OSBPL2: variants seen among roughly 807,000 people sequenced by gnomAD.
OSBPL2 encodes the protein oxysterol-binding protein-related protein 2.
Under a neutral mutation model 58.4 loss-of-function variants are expected in OSBPL2, and 18 were observed. The observed-to-expected ratio is 0.31, with a 90% CI of 0.21 to 0.46. The LOEUF (loss-of-function observed/expected upper bound fraction) is 0.46, where lower values mean the gene tolerates loss of function less well. OSBPL2 is among the 20% of genes least tolerant of loss of function. The pLI is 1.00. For synonymous variants in OSBPL2, 221 were observed against 234.1 expected, an observed-to-expected ratio of 0.94 and a Z score of 0.51; for missense variants, 461 against 616.5, an observed-to-expected ratio of 0.75 and a Z score of 2.67.
At chr20:62,248,150 CTTTTCTT>C (rs1980265328) in intron 1 of OSBPL2, among the ~76,000 whole-genome samples, 2 of 107,954 alleles carry the variant, frequency 1.9e-5, no homozygotes, top group South Asian at 3.3e-4. Flanking sequence ...TTTTTCTTTT[CTTTTCTT>C]TTTTTTTTTT....
chr20:62,241,393 C>T (rs1400024487), intron 1 of OSBPL2, among the ~76,000 whole-genome samples: 1 of 152,186 alleles, frequency 6.6e-6, no homozygotes, highest in East Asian at 1.9e-4. Context: ...AAAGCTTGCT[C>T]GACTTTTAAA....
chr20:62,280,152 C>G, intron 7 of OSBPL2: 1 of 1,272,626 alleles, frequency 7.9e-7, no homozygotes, highest in South Asian at 1.2e-5. Flanking sequence ...TGCCTGCAGT[C>G]TTGTTGTAGG....
intron 11 of OSBPL2, 102 bp downstream of exon 11, chr20:62,286,813 G>C: frequency 7.4e-7 from 1 of 1,360,210 alleles, no homozygotes; most frequent in Non-Finnish European, 1.0e-6. Flanking sequence ...CTTGCCTGCC[G>C]CCTCGCCTCA....
intron 1 of OSBPL2, among the ~76,000 whole-genome samples, chr20:62,240,219 C>A (rs1443011954): frequency 1.3e-5 from 2 of 152,158 alleles, no homozygotes; most frequent in Non-Finnish European, 2.9e-5. Context: ...TTACCTTCCC[C>A]TTGTTGAGGA....
intron 7 of OSBPL2, among the ~76,000 whole-genome samples, chr20:62,280,696 C>T (rs1361468679): frequency 1.3e-5 from 2 of 152,226 alleles, no homozygotes; most frequent in Non-Finnish European, 2.9e-5. Flanking sequence ...TGCCAGCTCC[C>T]CAGAAAGCCA....
At chr20:62,256,652 T>C (rs1012856407) in intron 2 of OSBPL2, among the ~76,000 whole-genome samples, 1 of 152,210 alleles carries the variant, frequency 6.6e-6, no homozygotes, top group African/African-American at 2.4e-5. Context: ...TGGTTTAAAG[T>C]GGCGGCATGC....
intron 3 of OSBPL2, among the ~76,000 whole-genome samples, chr20:62,262,473 C>A (rs1010627904): frequency 3.3e-5 from 5 of 152,250 alleles, no homozygotes; most frequent in African/African-American, 1.2e-4. Flanking sequence ...AGCCACTTTC[C>A]CCTCCTGGTA....
intron 3 of OSBPL2, among the ~76,000 whole-genome samples, chr20:62,263,389 G>A (rs922949111): frequency 6.6e-6 from 1 of 152,194 alleles, no homozygotes; most frequent in Non-Finnish European, 1.5e-5. Context: ...GGCCAAGACT[G>A]CAGAGTCATC....
chr20:62,248,323 T>A (rs1301170146), intron 1 of OSBPL2, among the ~76,000 whole-genome samples: 2 of 151,732 alleles, frequency 1.3e-5, no homozygotes, highest in Non-Finnish European at 2.9e-5. Context: ...CCTGGCTAAT[T>A]TTTGTATATT....
rs1302623539 is a variant in OSBPL2, at chr20:62,256,194, G to A, written c.10G>A (p.Glu4Lys). 3.7e-6 allele frequency: 6 copies of A among 1,613,890 alleles called. No individual in the cohort carries two copies. The Admixed American group carries it at 8.3e-5, about 22-fold the overall frequency. Residue 4 changes from glutamate (E) to lysine (K), a missense_variant, in exon 2 of 14, where the codon GAG becomes AAG. Physicochemically the swap from Glu to Lys is moderately conservative, Grantham distance 56. Coordinates refer to ENST00000313733, the MANE Select transcript of OSBPL2 (RefSeq NM_144498.4). ...GGCTGGCTGCTGAAGGATGAACGGA[G>A]AGGAAGAATTCTTTGATGCCGTCAC... Reference protein sequence around the residue: MNGEEEFFDAVTGF... With the variant: MNGKEEFFDAVTGF...
chr20:62,256,326 T>C (rs901194317), intron 2 of OSBPL2, 105 bp downstream of exon 2: 13 of 987,386 alleles, frequency 1.3e-5, no homozygotes, highest in Non-Finnish European at 2.0e-5. Context: ...AGTAAAGCAG[T>C]GTGTGGGTGA....
chr20:62,273,286 T>C, intron 5 of OSBPL2, 23 bp from the exon 6 acceptor site: 1 of 1,590,232 alleles, frequency 6.3e-7, no homozygotes, highest in South Asian at 1.1e-5. Flanking sequence ...GCTGTGCCTG[T>C]CCCCCCCGTG....
intron 1 of OSBPL2, among the ~76,000 whole-genome samples, chr20:62,244,459 T>C (rs931751107): frequency 3.9e-5 from 6 of 152,208 alleles, no homozygotes; most frequent in Non-Finnish European, 5.9e-5. Context: ...AGGGCGCCCG[T>C]GAGCTGTGGG....
intron 3 of OSBPL2, among the ~76,000 whole-genome samples, chr20:62,261,582 C>T (rs1043053683): frequency 2.6e-5 from 4 of 152,150 alleles, no homozygotes; most frequent in African/African-American, 9.7e-5. Flanking sequence ...TGGGAGCCCC[C>T]ACCCCCGCTC....
chr20:62,290,289 A>G (rs1236806038), intron 12 of OSBPL2, among the ~76,000 whole-genome samples: 1 of 151,864 alleles, frequency 6.6e-6, no homozygotes, highest in Non-Finnish European at 1.5e-5. Flanking sequence ...AGGCTGGACT[A>G]TAGTGGTGTG....
chr20:62,284,111 C>T lies in OSBPL2; in HGVS notation c.938C>T (p.Ser313Leu), dbSNP rs757263045. The T allele has an allele frequency of 9.3e-6, 15 of 1,613,972 alleles. No individual in the cohort carries two copies. Among genetic ancestry groups the T allele is most frequent in the Middle Eastern group, 1.6e-4 (1 of 6,084 alleles). Residue 313 changes from serine (S) to leucine (L), a missense_variant, in exon 10 of 14, where the codon TCG becomes TTG. Ser to Leu is a moderately radical substitution (Grantham distance 145). Around this residue, in one of 5 missense-constraint regions of OSBPL2, gnomAD observed 319 missense variants for 419.2 expected, o/e 0.76. Transcript: ENST00000313733. ...TGTTTGTGGGGCATAGATCCTGTTT[C>T]GTATGAATCCTTCAAGAAGCAGGAG... is the stretch of plus-strand genomic sequence containing the variant. ...TECLWGIDPV[S>L]YESFKKQERR...
rs1190083986 is a variant in OSBPL2, at chr20:62,256,227, T to G, written c.37+6T>G. 10 of 1,613,216 alleles carry G rather than the reference T, an allele frequency of 6.2e-6. No individual in the cohort carries two copies. The South Asian group carries it at 8.8e-5, about 14-fold the overall frequency. On this transcript the variant is annotated splice_donor_region_variant and intron_variant, in intron 2 of 13. Transcript: ENST00000313733. ...ATTCTTTGATGCCGTCACAGGTGAG[T>G]CAAAAGAGAACCAACTGGGGACGTA...
Position 62,256,210 on chromosome 20 carries a change from A to G in OSBPL2, c.26A>G (p.Asp9Gly), listed in dbSNP as rs746507998. Residue 9 changes from aspartate (D) to glycine (G), a missense_variant, in exon 2 of 14, where the codon GAT becomes GGT. Coordinates refer to ENST00000313733, the MANE Select transcript of OSBPL2 (RefSeq NM_144498.4). ...ATGAACGGAGAGGAAGAATTCTTTG[A>G]TGCCGTCACAGGTGAGTCAAAAGAG... MNGEEEFF[D>G]AVTGFDSDNS... 1 of 1,613,898 alleles carries G rather than the reference A, an allele frequency of 6.2e-7. No homozygotes were observed. The highest frequency in any genetic ancestry group is 1.1e-5 in the South Asian group (1 of 91,080).
intron 4 of OSBPL2, among the ~76,000 whole-genome samples, chr20:62,263,937 C>T (rs1981493580): frequency 6.6e-6 from 1 of 151,852 alleles, no homozygotes; most frequent in Admixed American, 6.6e-5. Flanking sequence ...TGGTGGAGGG[C>T]GCCTGTAGTC....
Sources: gnomAD v4.1 joint callset for allele counts (sites outside exome capture counted in the v4.1 genomes callset) on GRCh38, gnomAD v4.1.1 for gene constraint, gnomAD v4.1.1 regional missense constraint, MANE v1.5 for transcripts, NCBI Gene and HGNC (gene_info 2026-07-23, HGNC 2026-07-21) for gene names.